Variants in USP46 observed in about 807,000 individuals in gnomAD.
USP46 encodes ubiquitin specific peptidase 46.
In USP46, 12 loss-of-function variants were observed where a neutral mutation model predicts 44.4. That is an observed-to-expected ratio of 0.27 (90% CI 0.17 to 0.44). The LOEUF (loss-of-function observed/expected upper bound fraction) is 0.44. Ranked by LOEUF, USP46 falls within the 20% of genes least tolerant of loss-of-function variation. The pLI is 1.00. For missense variants in USP46, 248 were observed against 444.8 expected (o/e 0.56, Z 3.98); for synonymous variants, 155 against 161.5 (o/e 0.96, Z 0.31).
At chr4:52,607,037 C>T (rs1287872400) in intron 5 of USP46, among the ~76,000 whole-genome samples, 1 of 152,162 alleles carries the variant, frequency 6.6e-6, no homozygotes, top group African/African-American at 2.4e-5. Flanking sequence ...CCAATGTCTA[C>T]TGCAGAGAAG....
chr4:52,625,854 T>C (rs1045728027), intron 4 of USP46, among the ~76,000 whole-genome samples, 164 bp downstream of exon 4: 3 of 152,266 alleles, frequency 2.0e-5, no homozygotes, highest in African/African-American at 7.2e-5. Context: ...TGGATGGATA[T>C]GTGCTTCCAA....
At chr4:52,601,092 G>T (rs570916591) in intron 7 of USP46, among the ~76,000 whole-genome samples, 2 of 152,120 alleles carry the variant, frequency 1.3e-5, no homozygotes, top group African/African-American at 4.8e-5. Flanking sequence ...ACCATAATCC[G>T]ACCTTAACAG....
At chr4:52,643,496 G>A (rs1718426924) in intron 1 of USP46, among the ~76,000 whole-genome samples, 1 of 152,132 alleles carries the variant, frequency 6.6e-6, no homozygotes, top group Non-Finnish European at 1.5e-5. Flanking sequence ...AGACACTACG[G>A]CCCACAAAGT....
chr4:52,593,084 TAGTA>T lies in USP46; in HGVS notation c.*4552_*4555del, dbSNP rs1364507948. On this transcript the variant is annotated 3_prime_UTR_variant, in exon 9 of 9. Coordinates refer to ENST00000441222, the MANE Select transcript of USP46 (RefSeq NM_022832.4). ...GCCAGAATGGACAAATACAACGACT[TAGTA>T]AGTATTTTTATCTTCATGTAAATAT... 1.1e-4 allele frequency: 42 copies of T among 397,044 alleles called. No homozygotes were observed. The highest frequency in any genetic ancestry group is 1.5e-4 in the Non-Finnish European group (34 of 225,572). 24.6% of individuals were successfully genotyped at this position (397,044 alleles called of 1,614,324 possible). A position where few individuals can be genotyped will look rare whatever the true frequency, so the allele number is the denominator to read the frequency against.
rs760056090 is a variant in USP46, at chr4:52,633,026, GAAAA to G, written c.37-1886_37-1883del. On this transcript the variant is annotated intron_variant, in intron 1 of 8. Transcript: ENST00000441222. ...AGAAAGAAAGAAAGAAAGAAAGAAAGAAAAAGAAAGGTAAGTTTCATTTTTAAAA... is the reference window on the plus strand; with the variant it reads ...AGAAAGAAAGAAAGAAAGAAAGAAAGAGAAAGGTAAGTTTCATTTTTAAAA... Among the ~76,000 whole-genome samples the G allele has an allele frequency of 3.4e-5, 5 of 144,962 alleles. 1 individual carries two copies. Among genetic ancestry groups the G allele is most frequent in the African/African-American group, 1.3e-4 (5 of 38,784 alleles).
chr4:52,634,199 T>C (rs1316965173), intron 1 of USP46, among the ~76,000 whole-genome samples: 1 of 149,532 alleles, frequency 6.7e-6, no homozygotes, highest in Admixed American at 6.7e-5. Context: ...CTGCAACCTC[T>C]ACCCCCTGGG....
chr4:52,630,236 G>A (rs1717767747), intron 2 of USP46, among the ~76,000 whole-genome samples: 1 of 152,134 alleles, frequency 6.6e-6, no homozygotes, highest in East Asian at 1.9e-4. Flanking sequence ...CTACAAAGGA[G>A]GTTACTGCTG....
intron 4 of USP46, among the ~76,000 whole-genome samples, chr4:52,621,112 T>C (rs1053212010): frequency 6.6e-6 from 1 of 152,118 alleles, no homozygotes; most frequent in African/African-American, 2.4e-5. Context: ...CTATCAAACA[T>C]TCAAAGAACA....
chr4:52,658,978 C>T, intron 1 of USP46, 137 bp downstream of exon 1: 2 of 1,095,018 alleles, frequency 1.8e-6, no homozygotes, highest in Middle Eastern at 3.0e-4. Flanking sequence ...GCGCCCAGCT[C>T]GGGGGCCGGG....
At chr4:52,639,225 T>A in intron 1 of USP46, among the ~76,000 whole-genome samples, 1 of 152,316 alleles carries the variant, frequency 6.6e-6, no homozygotes, top group African/African-American at 2.4e-5. Flanking sequence ...GCAATTTGAC[T>A]TTTTTTATTC....
chr4:52,602,038 G>C lies in USP46; in HGVS notation c.739C>G (p.Leu247Val), dbSNP rs1716492791. 6.2e-7 allele frequency: 1 copy of C among 1,612,544 alleles called. No individual in the cohort carries two copies. The highest frequency in any genetic ancestry group is 8.5e-7 in the Non-Finnish European group (1 of 1,179,290). ...AGGTGCAGGGCCAAGATCATGGGCA[G>C]CTTTTTTACCCTCATCCTAAGAAAC... ...EAQKRMRVKK[L>V]PMILALHLKR... The change falls in exon 7 of 9, where the codon CTG (leucine) becomes GTG (valine). Residue 247 changes from leucine (L) to valine (V), a missense_variant. Leu to Val is a conservative substitution (Grantham distance 32). Around this residue, in one of 5 missense-constraint regions of USP46, gnomAD observed 98 missense variants for 218.2 expected, o/e 0.45. Coordinates refer to ENST00000441222, the MANE Select transcript of USP46 (RefSeq NM_022832.4).
chr4:52,610,171 G>A (rs566680478), intron 5 of USP46, among the ~76,000 whole-genome samples: 97 of 151,528 alleles, frequency 6.4e-4, no homozygotes, highest in Middle Eastern at 3.4e-3. Context: ...TGATCCGCCC[G>A]TCTCGGCCTC....
At chr4:52,605,422 T>G (rs570480210) in intron 5 of USP46, among the ~76,000 whole-genome samples, 1 of 152,366 alleles carries the variant, frequency 6.6e-6, no homozygotes, top group East Asian at 1.9e-4. Flanking sequence ...AAAGAACATC[T>G]GGACTAATAC....
intron 1 of USP46, among the ~76,000 whole-genome samples, chr4:52,646,589 T>C (rs1243293038): frequency 6.6e-6 from 1 of 152,140 alleles, no homozygotes; most frequent in Non-Finnish European, 1.5e-5. Flanking sequence ...AAGGCTTGCA[T>C]TTTATTTCTC....
chr4:52,607,363 A>G (rs934499530), intron 5 of USP46, among the ~76,000 whole-genome samples: 1 of 152,216 alleles, frequency 6.6e-6, no homozygotes, highest in African/African-American at 2.4e-5. Context: ...TGTTGGAACA[A>G]AAGTGGGCAA....
At position 52,652,196 on chromosome 4, in the gene USP46, T is replaced by C. The variant is rs888564130; in HGVS notation, c.36+6919A>G. On this transcript the variant is annotated intron_variant, in intron 1 of 8. Transcript: ENST00000441222. ...CAAATTTTAAACCACAAAGGCACAA[T>C]GTCACACCCATCAGACTGGCAAAAC... is the stretch of plus-strand genomic sequence containing the variant. 2.0e-5 allele frequency among the ~76,000 whole-genome samples: 3 copies of C among 152,112 alleles called. No homozygotes were observed. In the South Asian group the frequency reaches 6.2e-4, roughly 32 times the overall value.
intron 1 of USP46, among the ~76,000 whole-genome samples, chr4:52,648,641 C>A (rs552777934): frequency 2.1e-4 from 32 of 152,232 alleles, no homozygotes; most frequent in Admixed American, 5.2e-4. Context: ...GGTTATCCAC[C>A]CCTACACTGC....
chr4:52,640,816 A>G (rs1208064107), intron 1 of USP46, among the ~76,000 whole-genome samples: 1 of 152,014 alleles, frequency 6.6e-6, no homozygotes, highest in Non-Finnish European at 1.5e-5. Context: ...CAAAAAAAAA[A>G]AAAAAAATTA....
intron 1 of USP46, among the ~76,000 whole-genome samples, chr4:52,634,293 A>G (rs4864669): frequency 0.18 from 27,025 of 150,432 alleles, 2,988 homozygotes; most frequent in African/African-American, 0.33. Context: ...CAGATTGCCT[A>G]AGGTCAGGAG....
Sources: allele counts gnomAD v4.1 joint callset (sites outside exome capture counted in the v4.1 genomes callset), GRCh38; gene constraint gnomAD v4.1.1; regional missense constraint gnomAD v4.1.1; transcripts MANE v1.5; gene names NCBI Gene and HGNC (gene_info 2026-07-23, HGNC 2026-07-21).